Variants in FHIT observed in about 807,000 individuals in gnomAD.
FHIT encodes bis(5'-adenosyl)-triphosphatase.
In FHIT, 19 loss-of-function variants were observed where a neutral mutation model predicts 17.9. The ratio of observed to expected loss-of-function variants is 1.06; its 90% CI spans 0.74 to 1.56. FHIT has a LOEUF of 1.56. FHIT is among the 40% of genes most tolerant of loss of function. The pLI is 0.00. For missense variants in FHIT, 248 were observed against 189.2 expected, an observed-to-expected ratio of 1.31 and a Z score of -1.82; for synonymous variants, 81 against 69.7, an observed-to-expected ratio of 1.16 and a Z score of -0.81.
intron 5 of FHIT, among the ~76,000 whole-genome samples, chr3:60,426,063 G>C (rs1335926619): frequency 2.6e-5 from 4 of 152,130 alleles, no homozygotes; most frequent in Non-Finnish European, 5.9e-5. Context: ...AAGAGCATTT[G>C]TATTAATGCA....
intron 5 of FHIT, among the ~76,000 whole-genome samples, chr3:60,097,487 T>G (rs942248446): frequency 1.3e-5 from 2 of 152,114 alleles, no homozygotes; most frequent in African/African-American, 4.8e-5. Flanking sequence ...GTTTGAACTG[T>G]GTGAGCCCAC....
intron 4 of FHIT, among the ~76,000 whole-genome samples, chr3:60,569,884 A>T (rs1246478802): frequency 6.6e-6 from 1 of 150,424 alleles, no homozygotes; most frequent in Non-Finnish European, 1.5e-5. Context: ...TAGCTGCTTT[A>T]TTGAGATGTA....
chr3:60,531,993 T>C (rs1252787708), intron 5 of FHIT, among the ~76,000 whole-genome samples: 1 of 152,246 alleles, frequency 6.6e-6, no homozygotes, highest in Non-Finnish European at 1.5e-5. Context: ...CCTAGTCTAA[T>C]TCTCTCACAA....
chr3:59,818,180 C>A (rs1482891186), intron 8 of FHIT, among the ~76,000 whole-genome samples: 2 of 152,128 alleles, frequency 1.3e-5, no homozygotes, highest in Non-Finnish European at 2.9e-5. Context: ...GAATAACAGT[C>A]CCCTGCACTC....
chr3:60,359,272 AAT>A (rs1455634178), intron 5 of FHIT, among the ~76,000 whole-genome samples: 1 of 149,284 alleles, frequency 6.7e-6, no homozygotes, highest in African/African-American at 2.5e-5. Flanking sequence ...TGAATATGAA[AAT>A]ATCTTTTTTT....
chr3:60,203,610 T>C (rs1340169514), intron 5 of FHIT, among the ~76,000 whole-genome samples: 1 of 152,194 alleles, frequency 6.6e-6, no homozygotes, highest in African/African-American at 2.4e-5. Context: ...AACTATATAA[T>C]AACTATTACC....
intron 5 of FHIT, among the ~76,000 whole-genome samples, chr3:60,125,561 G>A (rs1559655393): frequency 6.6e-6 from 1 of 151,734 alleles, no homozygotes; most frequent in Non-Finnish European, 1.5e-5. Context: ...GAACCCGGGA[G>A]GCGGAGGTTG....
At chr3:60,419,482 T>C (rs1702392119) in intron 5 of FHIT, among the ~76,000 whole-genome samples, 1 of 152,166 alleles carries the variant, frequency 6.6e-6, no homozygotes, top group African/African-American at 2.4e-5. Flanking sequence ...TAATTGTTTT[T>C]TACATTTCTG....
At chr3:60,525,080 G>A (rs1215973574) in intron 5 of FHIT, among the ~76,000 whole-genome samples, 1 of 152,182 alleles carries the variant, frequency 6.6e-6, no homozygotes, top group Non-Finnish European at 1.5e-5. Flanking sequence ...TTAGTTAGAA[G>A]AAGGTAGGAA....
intron 3 of FHIT, among the ~76,000 whole-genome samples, chr3:60,917,797 T>C (rs782800163): frequency 1.4e-4 from 21 of 152,234 alleles, no homozygotes; most frequent in Non-Finnish European, 2.4e-4. Flanking sequence ...CTCGACATTA[T>C]ATGATGTAGT....
Position 60,898,644 on chromosome 3 carries a change from C to G in FHIT, c.-110-76633G>C, listed in dbSNP as rs142777514. On this transcript the variant is annotated intron_variant, in intron 3 of 9. Transcript: ENST00000492590. ...TGTAAACCTGTTCCTAGGCTCTAAGCTGTCTATTGAAATGTCCTAAGAAAC... is the reference window on the plus strand; with the variant it reads ...TGTAAACCTGTTCCTAGGCTCTAAGGTGTCTATTGAAATGTCCTAAGAAAC... Among the ~76,000 whole-genome samples, 4 of 152,322 alleles carry G rather than the reference C, an allele frequency of 2.6e-5. No individual in the cohort carries two copies. In the East Asian group the frequency reaches 7.7e-4, roughly 29 times the overall value.
intron 5 of FHIT, among the ~76,000 whole-genome samples, chr3:60,198,942 A>G (rs762023622): frequency 3.9e-5 from 6 of 152,326 alleles, no homozygotes; most frequent in Non-Finnish European, 7.4e-5. Context: ...GATCATTAAC[A>G]TATTTCCTCT....
chr3:60,797,197 T>C (rs1701012662), intron 4 of FHIT, among the ~76,000 whole-genome samples: 2 of 152,288 alleles, frequency 1.3e-5, no homozygotes, highest in South Asian at 4.2e-4. Context: ...CCAGTAACTC[T>C]TACTCTTGTG....
intron 4 of FHIT, among the ~76,000 whole-genome samples, chr3:60,795,542 CCT>C (rs1207764390): frequency 2.0e-5 from 3 of 146,432 alleles, no homozygotes; most frequent in Admixed American, 6.9e-5. Flanking sequence ...CTTACTCTGT[CCT>C]CTGTCTGTCA....
chr3:59,864,876 G>C (rs188882132), intron 8 of FHIT, among the ~76,000 whole-genome samples: 10 of 151,998 alleles, frequency 6.6e-5, no homozygotes, highest in African/African-American at 1.4e-4. Context: ...TAGAAGGGAG[G>C]CCTAATTCTT....
At chr3:60,750,511 C>G (rs782345741) in intron 4 of FHIT, among the ~76,000 whole-genome samples, 2 of 152,164 alleles carry the variant, frequency 1.3e-5, no homozygotes, top group Non-Finnish European at 2.9e-5. Flanking sequence ...GAATCAGTCT[C>G]ACAAGATCTG....
chr3:60,480,420 T>A (rs1030052578), intron 5 of FHIT, among the ~76,000 whole-genome samples: 7 of 152,188 alleles, frequency 4.6e-5, no homozygotes, highest in Non-Finnish European at 1.0e-4. Context: ...TTCCCAACAG[T>A]TCCCCAAAGT....
chr3:60,317,195 C>CT (rs34453102), intron 5 of FHIT, among the ~76,000 whole-genome samples: 49,568 of 151,446 alleles, frequency 0.33, 9,378 homozygotes, highest in East Asian at 0.72. Flanking sequence ...GTTCATATTC[C>CT]TTTTTTTTCT....
At chr3:59,908,446 AAG>A (rs1704687247) in intron 8 of FHIT, among the ~76,000 whole-genome samples, 1 of 152,220 alleles carries the variant, frequency 6.6e-6, no homozygotes, top group African/African-American at 2.4e-5. Flanking sequence ...TGCTTGTGAC[AAG>A]AGACTATGTC....
Sources: gnomAD v4.1 joint callset for allele counts (sites outside exome capture counted in the v4.1 genomes callset) on GRCh38, gnomAD v4.1.1 for gene constraint, MANE v1.5 for transcripts, NCBI Gene and HGNC (gene_info 2026-07-23, HGNC 2026-07-21) for gene names.